ANXA6: variants seen among roughly 807,000 people sequenced by gnomAD.
ANXA6 encodes 67 kDa calelectrin.
ANXA6 carries 71 observed loss-of-function variants against 95.4 expected under a neutral mutation model. That is an observed-to-expected ratio of 0.74 (90% CI 0.61 to 0.91). The LOEUF is 0.91. Ranked by LOEUF, ANXA6 falls within the 40% of genes least tolerant of loss-of-function variation. The pLI is 0.00. For synonymous variants in ANXA6, 289 were observed against 315.9 expected (o/e 0.91, Z 0.90); for missense variants, 830 against 876.4 (o/e 0.95, Z 0.67).
At chr5:151,131,409 AC>A in intron 10 of ANXA6, 120 bp from the exon 11 acceptor site, 1 of 1,006,946 alleles carries the variant, frequency 9.9e-7, no homozygotes, top group Non-Finnish European at 1.6e-6. Flanking sequence ...AGGAAGAACC[AC>A]CGTTCCTGAT....
intron 1 of ANXA6, among the ~76,000 whole-genome samples, chr5:151,152,568 C>T (rs1766134538): frequency 1.3e-5 from 2 of 152,186 alleles, no homozygotes; most frequent in Admixed American, 1.3e-4. Context: ...GTTTAACAAA[C>T]GGTGACTTCT....
chr5:151,122,629 C>G (rs1281859073), intron 16 of ANXA6, among the ~76,000 whole-genome samples: 1 of 152,164 alleles, frequency 6.6e-6, no homozygotes, highest in Non-Finnish European at 1.5e-5. Context: ...TGCAAGATGC[C>G]CAAAGCACAC....
intron 2 of ANXA6, chr5:151,140,577 A>AATATATATATATATAT (rs61352316): frequency 2.8e-5 from 4 of 143,846 alleles, no homozygotes; most frequent in African/African-American, 8.4e-5. Context: ...GCAAGAGTCA[A>AATATATATATATATAT]ATATATATAT....
In ANXA6 at chr5:151,147,244, A is replaced by G. The variant is rs992535483; in HGVS notation, c.18+640T>C. On this transcript the variant is annotated intron_variant, in intron 2 of 25. Coordinates refer to ENST00000354546, the MANE Select transcript of ANXA6 (RefSeq NM_001155.5). ...CCAAGCCAAGGAAATTCAATCCCAAATGGGTGTGACAGAGAACATTTCTAT... is the reference window on the plus strand; with the variant it reads ...CCAAGCCAAGGAAATTCAATCCCAAGTGGGTGTGACAGAGAACATTTCTAT... 2.0e-5 allele frequency among the ~76,000 whole-genome samples: 3 copies of G among 152,214 alleles called. No individual in the cohort carries two copies. In the East Asian group the frequency reaches 5.8e-4, roughly 29 times the overall value.
chr5:151,123,540 A>G (rs1765228969), intron 15 of ANXA6, among the ~76,000 whole-genome samples: 1 of 152,204 alleles, frequency 6.6e-6, no homozygotes, highest in Non-Finnish European at 1.5e-5. Flanking sequence ...GATTAATGCC[A>G]TCAACCACAG....
At chr5:151,102,085 C>T (rs924472758) in intron 25 of ANXA6, among the ~76,000 whole-genome samples, 4 of 152,344 alleles carry the variant, frequency 2.6e-5, no homozygotes, top group Middle Eastern at 3.4e-3. Flanking sequence ...GCTCACCACA[C>T]ATCACAGTGG....
At chr5:151,135,036 C>G (rs1004406081) in intron 7 of ANXA6, among the ~76,000 whole-genome samples, 1 of 152,232 alleles carries the variant, frequency 6.6e-6, no homozygotes, top group Non-Finnish European at 1.5e-5. Context: ...CCCTTTGCCT[C>G]ATCTGATAGA....
intron 1 of ANXA6, among the ~76,000 whole-genome samples, chr5:151,153,389 A>G (rs368939150): frequency 1.3e-5 from 2 of 152,324 alleles, no homozygotes; most frequent in East Asian, 3.9e-4. Flanking sequence ...AGGTGATTTT[A>G]ATGGCAGCCA....
intron 1 of ANXA6, among the ~76,000 whole-genome samples, chr5:151,153,658 C>T (rs1454888753): frequency 6.6e-6 from 1 of 152,184 alleles, no homozygotes; most frequent in Non-Finnish European, 1.5e-5. Context: ...TTTTACAGGT[C>T]AGTAAGTTGC....
intron 25 of ANXA6, among the ~76,000 whole-genome samples, chr5:151,102,932 T>A (rs1309451817): frequency 6.6e-6 from 1 of 152,214 alleles, no homozygotes; most frequent in Non-Finnish European, 1.5e-5. Context: ...TCAGTAAATT[T>A]ACTAAAAACT....
intron 1 of ANXA6, among the ~76,000 whole-genome samples, chr5:151,148,346 T>A (rs1229655501): frequency 6.6e-6 from 1 of 152,196 alleles, no homozygotes; most frequent in Non-Finnish European, 1.5e-5. Flanking sequence ...AGCTTAGAAC[T>A]GAATTCAACA....
intron 23 of ANXA6, among the ~76,000 whole-genome samples, chr5:151,106,706 G>C (rs1764703015): frequency 6.6e-6 from 1 of 152,108 alleles, no homozygotes; most frequent in African/African-American, 2.4e-5. Flanking sequence ...CCCCAGTCAT[G>C]ACATCACCTC....
intron 9 of ANXA6, among the ~76,000 whole-genome samples, chr5:151,132,814 G>A (rs771333311): frequency 4.3e-4 from 66 of 151,920 alleles, no homozygotes; most frequent in Non-Finnish European, 8.4e-4. Flanking sequence ...GCACTGAGAT[G>A]GAAGGCCAAG....
In ANXA6 at chr5:151,132,550, G is replaced by A; in HGVS notation, c.662C>T (p.Thr221Ile). The part of the protein sequence containing the change: ...LRLVFDEYLK[T>I]TGKPIEASIR... Reference sequence around the variant, plus strand: ...GCTGGCTTCAATCGGCTTCCCTGTGGTCTTCAGATACTCATCGAACACTGC... The same window carrying A: ...GCTGGCTTCAATCGGCTTCCCTGTGATCTTCAGATACTCATCGAACACTGC... Residue 221 changes from threonine (T) to isoleucine (I), a missense_variant, in exon 10 of 26, where the codon ACC (threonine) becomes ATC (isoleucine). Physicochemically the swap from Thr to Ile is moderately conservative, Grantham distance 89. Transcript: ENST00000354546. The A allele has an allele frequency of 6.2e-7, 1 of 1,613,256 alleles. No individual in the cohort carries two copies. The highest frequency in any genetic ancestry group is 8.5e-7 in the Non-Finnish European group (1 of 1,179,684).
intron 4 of ANXA6, 104 bp from the exon 5 acceptor site, chr5:151,138,895 A>G: frequency 1.3e-6 from 1 of 788,374 alleles, no homozygotes; most frequent in Non-Finnish European, 2.2e-6. Context: ...GTGCTGGGCT[A>G]AGTAATCTCA....
chr5:151,125,336 T>C (rs1765286354), intron 14 of ANXA6, among the ~76,000 whole-genome samples: 1 of 83,674 alleles, frequency 1.2e-5, no homozygotes, highest in African/African-American at 5.7e-5. Context: ...AGTGAGACCC[T>C]GTCTCAAAAA....
chr5:151,130,365 C>T (rs1245681278), intron 11 of ANXA6, among the ~76,000 whole-genome samples: 2 of 152,128 alleles, frequency 1.3e-5, no homozygotes, highest in Non-Finnish European at 2.9e-5. Context: ...ATCCTCCTGC[C>T]TCAGCCTCCC....
At chr5:151,129,173 A>G (rs529884129) in intron 12 of ANXA6, among the ~76,000 whole-genome samples, 1 of 152,158 alleles carries the variant, frequency 6.6e-6, no homozygotes, top group Non-Finnish European at 1.5e-5. Flanking sequence ...CGTGTCCTTC[A>G]TGACCCAGCC....
intron 25 of ANXA6, among the ~76,000 whole-genome samples, chr5:151,102,351 T>A (rs1253123193): frequency 2.6e-5 from 4 of 152,196 alleles, no homozygotes; most frequent in Admixed American, 6.5e-5. Context: ...GAACCAAGCA[T>A]CAGACTTTAA....
Sources: gnomAD v4.1 joint callset for allele counts (sites outside exome capture counted in the v4.1 genomes callset) on GRCh38, gnomAD v4.1.1 for gene constraint, MANE v1.5 for transcripts, NCBI Gene and HGNC (gene_info 2026-07-23, HGNC 2026-07-21) for gene names.